Variants in POLA2 observed in about 807,000 individuals in gnomAD.
POLA2 encodes the protein DNA polymerase alpha subunit B.
POLA2 carries 47 observed loss-of-function variants against 82.8 expected under a neutral mutation model. The ratio of observed to expected loss-of-function variants is 0.57; its 90% CI spans 0.45 to 0.72. The LOEUF is 0.72. Among genes scored for constraint, POLA2 ranks in the 30% least tolerant of loss-of-function variants. The pLI is 0.00. For synonymous variants in POLA2, 287 were observed against 286.8 expected, an observed-to-expected ratio of 1.00 and a Z score of -0.01; for missense variants, 634 against 728.1, an observed-to-expected ratio of 0.87 and a Z score of 1.49.
chr11:65,290,974 C>G (rs553546192), intron 13 of POLA2, among the ~76,000 whole-genome samples: 1 of 152,316 alleles, frequency 6.6e-6, no homozygotes, highest in South Asian at 2.1e-4. Flanking sequence ...TGCCATAGAC[C>G]AAACGGAAGG....
downstream of POLA2, among the ~76,000 whole-genome samples, chr11:65,300,541 C>T (rs1949854159): frequency 6.6e-6 from 1 of 151,840 alleles, no homozygotes; most frequent in Non-Finnish European, 1.5e-5. Context: ...CATGAGACAC[C>T]GTGCCTGGCC....
intron 5 of POLA2, among the ~76,000 whole-genome samples, chr11:65,276,699 C>T (rs1380921658): frequency 6.6e-6 from 1 of 152,108 alleles, no homozygotes; most frequent in Non-Finnish European, 1.5e-5. Flanking sequence ...TAGTATTAAC[C>T]CTTCAGGGAA....
chr11:65,293,571 T>C (rs1458467899), intron 13 of POLA2, among the ~76,000 whole-genome samples: 2 of 145,742 alleles, frequency 1.4e-5, no homozygotes, highest in Non-Finnish European at 3.0e-5. Context: ...ATCATGCCAC[T>C]GCACTCCGGC....
intron 13 of POLA2, among the ~76,000 whole-genome samples, chr11:65,292,116 G>A (rs1214686040): frequency 6.6e-6 from 1 of 152,216 alleles, no homozygotes; most frequent in Non-Finnish European, 1.5e-5. Flanking sequence ...GTGGGTGCTT[G>A]TAGTCTCAGC....
At position 65,297,773 on chromosome 11, in the gene POLA2, C is replaced by T. The variant is rs968008364; in HGVS notation, c.*504C>T. The T allele has an allele frequency of 4.6e-5, 7 of 152,448 alleles. No individual in the cohort carries two copies. The highest frequency in any genetic ancestry group is 7.3e-5 in the Non-Finnish European group (5 of 68,256). 9.4% of individuals were successfully genotyped at this position (152,448 alleles called of 1,614,324 possible). A position where few individuals can be genotyped will look rare whatever the true frequency, so the allele number is the denominator to read the frequency against. Reference sequence around the variant, plus strand: ...TCATGCCATTCTCCTGCCTCAGCCTCCTGAGTAGCTGGGACTACAGGCACC... The same window carrying T: ...TCATGCCATTCTCCTGCCTCAGCCTTCTGAGTAGCTGGGACTACAGGCACC... On this transcript the variant is annotated 3_prime_UTR_variant, in exon 18 of 18. Coordinates refer to ENST00000265465, the MANE Select transcript of POLA2 (RefSeq NM_002689.4).
intron 10 of POLA2, among the ~76,000 whole-genome samples, chr11:65,284,069 G>GGCTACA (rs1169810804): frequency 6.6e-6 from 1 of 151,888 alleles, no homozygotes; most frequent in Non-Finnish European, 1.5e-5. Context: ...GGGAAGTCAA[G>GGCTACA]GCTACAGTAA....
intron 10 of POLA2, among the ~76,000 whole-genome samples, chr11:65,284,075 A>G (rs1421616057): frequency 6.6e-6 from 1 of 152,054 alleles, no homozygotes; most frequent in Non-Finnish European, 1.5e-5. Context: ...TCAAGGCTAC[A>G]GTAAGCCGTG....
At chr11:65,278,973 G>C in intron 6 of POLA2, 50 bp downstream of exon 6, 8 of 1,526,504 alleles carry the variant, frequency 5.2e-6, no homozygotes, top group Non-Finnish European at 7.2e-6. Flanking sequence ...CCACCTAGAA[G>C]GGTGTAGAGT....
intron 11 of POLA2, 94 bp from the exon 12 acceptor site, chr11:65,288,956 C>T: frequency 8.3e-7 from 1 of 1,198,984 alleles, no homozygotes; most frequent in Non-Finnish European, 1.2e-6. Flanking sequence ...GATGAGCCCT[C>T]CACAGAGAAC....
intron 7 of POLA2, 70 bp from the exon 8 acceptor site, chr11:65,280,922 C>A: frequency 6.7e-7 from 1 of 1,492,116 alleles, no homozygotes; most frequent in Non-Finnish European, 9.2e-7. Flanking sequence ...GCTATTCACC[C>A]TATCGACTTC....
intron 11 of POLA2, among the ~76,000 whole-genome samples, chr11:65,288,830 T>C (rs1171019561): frequency 6.6e-6 from 1 of 152,236 alleles, no homozygotes; most frequent in Non-Finnish European, 1.5e-5. Flanking sequence ...GTTATGGGGC[T>C]CTGGGAGCCT....
Position 65,278,937 on chromosome 11 carries a change from C to T in POLA2, c.655+14C>T, listed in dbSNP as rs1243470570. On this transcript the variant is annotated intron_variant, in intron 6 of 17. Coordinates refer to ENST00000265465, the MANE Select transcript of POLA2 (RefSeq NM_002689.4). Reference sequence around the variant, plus strand: ...ACATTCGAGAAGGTGATTGTTTTTCCCTTTGAAATTCTGGTGGATATAAAA... The same window carrying T: ...ACATTCGAGAAGGTGATTGTTTTTCTCTTTGAAATTCTGGTGGATATAAAA... The T allele has an allele frequency of 6.2e-7, 1 of 1,610,318 alleles. No homozygotes were observed. The highest frequency in any genetic ancestry group is 1.7e-5 in the Admixed American group (1 of 59,834).
chr11:65,265,144 G>A (rs546314049), intron 1 of POLA2, among the ~76,000 whole-genome samples: 165 of 151,854 alleles, frequency 1.1e-3, no homozygotes, highest in African/African-American at 3.6e-3. Flanking sequence ...CAGGAGAATC[G>A]CTTGAATCGG....
chr11:65,281,609 A>G, intron 8 of POLA2, 61 bp from the exon 9 acceptor site: 1 of 1,177,670 alleles, frequency 8.5e-7, no homozygotes, highest in Non-Finnish European at 1.3e-6. Flanking sequence ...CCTCAAAATA[A>G]TGTATTCCAG....
intron 1 of POLA2, among the ~76,000 whole-genome samples, chr11:65,263,955 A>C (rs1218300912): frequency 2.0e-5 from 3 of 152,226 alleles, no homozygotes; most frequent in Non-Finnish European, 4.4e-5. Context: ...CCAAGATGCC[A>C]GTTGCTTTCA....
intron 6 of POLA2, 32 bp downstream of exon 6, chr11:65,278,955 A>T: frequency 6.3e-7 from 1 of 1,582,548 alleles, no homozygotes; most frequent in African/African-American, 1.3e-5. Context: ...ATTCTGGTGG[A>T]TATAAAACCA....
chr11:65,290,007 G>C (rs1220907475), intron 13 of POLA2, 135 bp downstream of exon 13: 13 of 592,554 alleles, frequency 2.2e-5, no homozygotes, highest in Non-Finnish European at 3.3e-5. Flanking sequence ...CCAGCACTTT[G>C]GGAGGCCGAG....
downstream of POLA2, among the ~76,000 whole-genome samples, chr11:65,302,074 TG>T (rs2137620358): frequency 6.6e-6 from 1 of 152,206 alleles, no homozygotes; most frequent in African/African-American, 2.4e-5. Context: ...AAGGGGCCCC[TG>T]GGAGGTCTCA....
chr11:65,283,344 C>T (rs1214702376), intron 10 of POLA2, among the ~76,000 whole-genome samples: 1 of 152,118 alleles, frequency 6.6e-6, no homozygotes, highest in Non-Finnish European at 1.5e-5. Flanking sequence ...TTAATTTTGA[C>T]AAATGTTCAT....
Sources: allele counts gnomAD v4.1 joint callset (sites outside exome capture counted in the v4.1 genomes callset), GRCh38; gene constraint gnomAD v4.1.1; transcripts MANE v1.5; gene names NCBI Gene and HGNC (gene_info 2026-07-23, HGNC 2026-07-21).